CDK14: variants seen among roughly 807,000 people sequenced by gnomAD.
CDK14 encodes the protein cyclin dependent kinase 14.
In CDK14, 34 loss-of-function variants were observed where a neutral mutation model predicts 60.7. The ratio of observed to expected loss-of-function variants is 0.56; its 90% confidence interval spans 0.43 to 0.75. The LOEUF is 0.75. Ranked by LOEUF, CDK14 falls within the 30% of genes least tolerant of loss-of-function variation. The pLI is 0.00. For synonymous variants in CDK14, 197 were observed against 203.7 expected, an observed-to-expected ratio of 0.97 and a Z score of 0.28; for missense variants, 482 against 564.1, an observed-to-expected ratio of 0.85 and a Z score of 1.47.
intron 5 of CDK14, among the ~76,000 whole-genome samples, chr7:90,794,943 C>T (rs1805993493): frequency 6.6e-6 from 1 of 152,138 alleles, no homozygotes; most frequent in Admixed American, 6.6e-5. Context: ...GAAATCTTCA[C>T]AATTTATGTT....
chr7:90,990,255 G>T (rs746176904), intron 10 of CDK14, among the ~76,000 whole-genome samples: 1 of 152,132 alleles, frequency 6.6e-6, no homozygotes, highest in East Asian at 1.9e-4. Flanking sequence ...TCCAGCCTGC[G>T]TGACAGAGTG....
intron 10 of CDK14, among the ~76,000 whole-genome samples, chr7:90,999,280 G>A (rs560477817): frequency 2.6e-5 from 4 of 152,100 alleles, no homozygotes; most frequent in Non-Finnish European, 5.9e-5. Flanking sequence ...AGGGGATCAA[G>A]CTGAAGCATT....
At chr7:90,800,500 G>A (rs1318644898) in intron 5 of CDK14, among the ~76,000 whole-genome samples, 1 of 144,096 alleles carries the variant, frequency 6.9e-6, no homozygotes, top group Non-Finnish European at 1.6e-5. Flanking sequence ...AAATTTTGGT[G>A]TTTGACTGAT....
At chr7:91,142,505 C>T (rs1382817975) in intron 14 of CDK14, among the ~76,000 whole-genome samples, 4 of 152,194 alleles carry the variant, frequency 2.6e-5, no homozygotes, top group African/African-American at 7.2e-5. Context: ...CCAGAGGAGC[C>T]TTTTGTTGTA....
chr7:91,024,952 C>G (rs180982271), intron 10 of CDK14, among the ~76,000 whole-genome samples: 4 of 152,196 alleles, frequency 2.6e-5, no homozygotes, highest in Non-Finnish European at 4.4e-5. Context: ...GATTCCCTTA[C>G]TCCAAATGCG....
chr7:91,182,665 G>C (rs1802041269), intron 14 of CDK14, among the ~76,000 whole-genome samples: 1 of 152,046 alleles, frequency 6.6e-6, no homozygotes. Flanking sequence ...TTAGGTAAAT[G>C]GTGATGTGCT....
chr7:90,892,279 C>T (rs1440176533), intron 6 of CDK14, among the ~76,000 whole-genome samples: 1 of 152,150 alleles, frequency 6.6e-6, no homozygotes, highest in Non-Finnish European at 1.5e-5. Flanking sequence ...CTCTGTCCTC[C>T]TCTTTTAAAA....
At chr7:90,857,400 C>A (rs1487023775) in intron 5 of CDK14, among the ~76,000 whole-genome samples, 1 of 152,164 alleles carries the variant, frequency 6.6e-6, no homozygotes, top group African/African-American at 2.4e-5. Flanking sequence ...CCTCTATGAG[C>A]AAATGTTTTT....
intron 2 of CDK14, among the ~76,000 whole-genome samples, chr7:90,698,743 T>G (rs1801718485): frequency 6.6e-6 from 1 of 152,226 alleles, no homozygotes; most frequent in Non-Finnish European, 1.5e-5. Flanking sequence ...AGTGTTCCCC[T>G]CTTCTAGCAT....
At chr7:90,724,034 T>G (rs1286347506) in intron 2 of CDK14, among the ~76,000 whole-genome samples, 1 of 152,222 alleles carries the variant, frequency 6.6e-6, no homozygotes, top group Non-Finnish European at 1.5e-5. Flanking sequence ...AATGTTTGTT[T>G]TAACTTCACC....
chr7:90,977,554 A>T (rs889514702), intron 9 of CDK14, among the ~76,000 whole-genome samples: 2 of 152,106 alleles, frequency 1.3e-5, no homozygotes. Context: ...CTAGGAGATC[A>T]ATTTCTATGT....
intron 5 of CDK14, among the ~76,000 whole-genome samples, chr7:90,809,623 A>G (rs1323241698): frequency 2.6e-5 from 4 of 152,232 alleles, no homozygotes; most frequent in African/African-American, 9.6e-5. Context: ...AACTAAGATC[A>G]GAGCAGAACT....
At chr7:91,185,981 C>G (rs1050046397) in intron 14 of CDK14, among the ~76,000 whole-genome samples, 1 of 152,126 alleles carries the variant, frequency 6.6e-6, no homozygotes, top group Non-Finnish European at 1.5e-5. Context: ...TTGGACACTT[C>G]ATATAAATGG....
Position 90,856,898 on chromosome 7 carries a change from A to T in CDK14, c.545-6277A>T, listed in dbSNP as rs1465126026. 2.0e-5 allele frequency among the ~76,000 whole-genome samples: 3 copies of T among 152,160 alleles called. No homozygotes were observed. The South Asian group carries it at 6.2e-4, about 31-fold the overall frequency. On this transcript the variant is annotated intron_variant, in intron 5 of 14. Transcript: ENST00000380050. ...CATGAGTAGTCATTCTGGGAAAGTC[A>T]GGCAGCAATCCCTCTACTCCACTCT...
At chr7:91,086,501 T>C (rs1021026623) in intron 12 of CDK14, among the ~76,000 whole-genome samples, 14 of 152,124 alleles carry the variant, frequency 9.2e-5, no homozygotes, top group African/African-American at 3.4e-4. Context: ...CTGCTGTTGT[T>C]CCCGATCTCC....
chr7:91,177,262 C>G (rs1490253480), intron 14 of CDK14, among the ~76,000 whole-genome samples: 3 of 123,024 alleles, frequency 2.4e-5, no homozygotes, highest in Non-Finnish European at 3.5e-5. Flanking sequence ...TTCAACAACC[C>G]TTCATGCTAA....
chr7:90,833,346 A>C (rs145792160), intron 5 of CDK14, among the ~76,000 whole-genome samples: 157 of 152,308 alleles, frequency 1.0e-3, no homozygotes, highest in African/African-American at 3.3e-3. Context: ...AGCATTTATA[A>C]ATGCATACCC....
chr7:90,863,668 A>ATGTGTGTGTGTGTG (rs549142223), intron 6 of CDK14, among the ~76,000 whole-genome samples: 1 of 48,848 alleles, frequency 2.0e-5, no homozygotes, highest in Non-Finnish European at 4.4e-5. Context: ...GCTTATTAAG[A>ATGTGTGTGTGTGTG]TATGTGTGTG....
chr7:90,681,826 A>T (rs773705898), intron 2 of CDK14, among the ~76,000 whole-genome samples: 1 of 152,190 alleles, frequency 6.6e-6, no homozygotes, highest in Non-Finnish European at 1.5e-5. Context: ...TGCTTTGGTT[A>T]TGGTTAATGT....
Sources: allele counts gnomAD v4.1 joint callset (sites outside exome capture counted in the v4.1 genomes callset), GRCh38; gene constraint gnomAD v4.1.1; transcripts MANE v1.5; gene names NCBI Gene and HGNC (gene_info 2026-07-23, HGNC 2026-07-21).